Variants in SRFBP1 observed in about 807,000 individuals in gnomAD.
SRFBP1 encodes the protein serum response factor binding protein 1.
In SRFBP1, 47 loss-of-function variants were observed where a neutral mutation model predicts 45.5. That is an observed-to-expected ratio of 1.03 (90% CI 0.82 to 1.32). The LOEUF (loss-of-function observed/expected upper bound fraction) is 1.32, where lower values mean the gene tolerates loss of function less well. SRFBP1 is among the 40% of genes most tolerant of loss of function. The pLI is 0.00. For missense variants in SRFBP1, 621 were observed against 484.6 expected, an observed-to-expected ratio of 1.28 and a Z score of -2.64; for synonymous variants, 203 against 166.3, an observed-to-expected ratio of 1.22 and a Z score of -1.70.
At chr5:122,046,695 C>T (rs925856531) in intron 2 of SRFBP1, among the ~76,000 whole-genome samples, 1 of 152,216 alleles carries the variant, frequency 6.6e-6, no homozygotes, top group Non-Finnish European at 1.5e-5. Flanking sequence ...TCTCCACATC[C>T]TCTCCAGCAC....
At chr5:122,043,953 C>G (rs1168349212) in intron 2 of SRFBP1, among the ~76,000 whole-genome samples, 1 of 152,024 alleles carries the variant, frequency 6.6e-6, no homozygotes, top group African/African-American at 2.4e-5. Context: ...TCTTGTCTCC[C>G]TGGTAATGCG....
chr5:122,045,679 T>G (rs1753843596), intron 2 of SRFBP1, among the ~76,000 whole-genome samples: 1 of 152,318 alleles, frequency 6.6e-6, no homozygotes, highest in South Asian at 2.1e-4. Context: ...TGTATAGGAA[T>G]GCTACTGATT....
At position 122,026,986 on chromosome 5, in the gene SRFBP1, A is replaced by G; in HGVS notation, c.1150A>G (p.Lys384Glu). The G allele has an allele frequency of 3.7e-6, 6 of 1,613,080 alleles. No homozygotes were observed. Among genetic ancestry groups the G allele is most frequent in the Non-Finnish European group, 5.1e-6 (6 of 1,179,758 alleles). Residue 384 changes from lysine to glutamate, a missense_variant, in exon 8 of 8, where the codon AAG (lysine) becomes GAG (glutamate). Transcript: ENST00000339397. Reference sequence around the variant, plus strand: ...TCAGATCAAGAATCAGTTTAATAAGAAGCTATCAGGAAGACTTGAAAATAC... The same window carrying G: ...TCAGATCAAGAATCAGTTTAATAAGGAGCTATCAGGAAGACTTGAAAATAC... ...EPQIKNQFNK[K>E]LSGRLENTKQ... is the part of the protein sequence containing the mutation.
intron 3 of SRFBP1, among the ~76,000 whole-genome samples, chr5:121,993,865 T>A (rs1369668487): frequency 2.6e-5 from 4 of 152,046 alleles, no homozygotes; most frequent in African/African-American, 4.8e-5. Context: ...GGGCCTTTTT[T>A]AATTTTTCTT....
intron 2 of SRFBP1, chr5:122,066,366 T>C (rs1410566298): frequency 5.3e-6 from 1 of 189,548 alleles, no homozygotes; most frequent in African/African-American, 2.3e-5. Flanking sequence ...TTCCAGCACT[T>C]TAGAAAAGTT....
chr5:122,045,807 A>G (rs1314516834), intron 2 of SRFBP1, among the ~76,000 whole-genome samples: 1 of 152,174 alleles, frequency 6.6e-6, no homozygotes, highest in Admixed American at 6.6e-5. Context: ...GCAAACAGAA[A>G]TATTTTAACT....
intron 2 of SRFBP1, among the ~76,000 whole-genome samples, chr5:122,059,952 C>T (rs917700223): frequency 2.0e-5 from 3 of 152,078 alleles, no homozygotes; most frequent in African/African-American, 7.2e-5. Flanking sequence ...TGCTCTTATT[C>T]TTTTTCTGTT....
chr5:122,074,669 T>C (rs1754563715), intron 2 of SRFBP1, among the ~76,000 whole-genome samples: 1 of 152,222 alleles, frequency 6.6e-6, no homozygotes, highest in South Asian at 2.1e-4. Flanking sequence ...ATTTAAATAG[T>C]ACACACTTTT....
intron 2 of SRFBP1, among the ~76,000 whole-genome samples, chr5:122,046,635 A>G (rs1168528531): frequency 1.3e-5 from 2 of 152,188 alleles, no homozygotes. Flanking sequence ...GACTTCCACA[A>G]TGGTTGAACT....
chr5:121,993,642 CT>C, intron 3 of SRFBP1, among the ~76,000 whole-genome samples: 1 of 152,046 alleles, frequency 6.6e-6, no homozygotes, highest in Non-Finnish European at 1.5e-5. Flanking sequence ...ATTTCGGTTA[CT>C]TTTAGTTGAG....
At chr5:122,013,647 C>T (rs1233302954) in intron 4 of SRFBP1, among the ~76,000 whole-genome samples, 1 of 151,988 alleles carries the variant, frequency 6.6e-6, no homozygotes, top group East Asian at 1.9e-4. Flanking sequence ...TAGAAAGGGA[C>T]GTACAAGTGG....
intron 2 of SRFBP1, chr5:122,065,986 C>T (rs1366968082): frequency 6.6e-6 from 1 of 151,930 alleles, no homozygotes; most frequent in Non-Finnish European, 1.5e-5. Context: ...ACATCTCTGC[C>T]CATGGGAAAG....
At chr5:122,077,532 G>C (rs750748531), downstream of SRFBP1, 5 of 1,613,620 alleles carry the variant, frequency 3.1e-6, no homozygotes, top group African/African-American at 6.7e-5. This position sits in a 1 kb window ranked among gnomAD's most constrained non-coding sequence, Gnocchi z 4.9. Context: ...CTGAGCGCAG[G>C]AACTTCTCCC....
intron 4 of SRFBP1, among the ~76,000 whole-genome samples, chr5:122,003,135 G>T (rs1752908184): frequency 6.6e-6 from 1 of 152,074 alleles, no homozygotes; most frequent in Non-Finnish European, 1.5e-5. Flanking sequence ...TTGAGCCCCG[G>T]AGTTCAAGAC....
In SRFBP1 at chr5:122,043,909, ATC is replaced by A. The variant is rs377416691; in HGVS notation, n.311+21505_311+21506del. Reference sequence around the variant, plus strand: ...GATGTGCAGGTTTGTTATATAGTTAATCTCCTTGTCACAGGAGGTTGGTGTAC... The same window carrying A: ...GATGTGCAGGTTTGTTATATAGTTAATCCTTGTCACAGGAGGTTGGTGTAC... On this transcript the variant is annotated intron_variant and non_coding_transcript_variant, in intron 2 of 2. Coordinates refer to the SRFBP1 transcript ENST00000504881. Among the ~76,000 whole-genome samples the A allele has an allele frequency of 5.0e-3, 762 of 152,078 alleles. 10 individuals are homozygous for A. The highest frequency in any genetic ancestry group is 0.017 in the African/African-American group (719 of 41,508).
At chr5:122,006,027 G>T (rs184504229) in intron 4 of SRFBP1, among the ~76,000 whole-genome samples, 1 of 152,046 alleles carries the variant, frequency 6.6e-6, no homozygotes, top group Non-Finnish European at 1.5e-5. Context: ...TAAAATTAGT[G>T]TTCTTTTCTT....
chr5:122,029,306 A>T (rs1184468341), downstream of SRFBP1, among the ~76,000 whole-genome samples: 2 of 152,034 alleles, frequency 1.3e-5, no homozygotes, highest in Non-Finnish European at 2.9e-5. Flanking sequence ...CATTTTAGGA[A>T]CTCTACCTGA....
chr5:121,971,199 C>T (rs1353114685), intron 1 of SRFBP1, among the ~76,000 whole-genome samples: 1 of 151,866 alleles, frequency 6.6e-6, no homozygotes, highest in Non-Finnish European at 1.5e-5. Context: ...ATTGCGATGG[C>T]ATTGTGGATA....
intron 2 of SRFBP1, among the ~76,000 whole-genome samples, chr5:122,056,128 T>C (rs1443166112): frequency 6.6e-6 from 1 of 152,184 alleles, no homozygotes; most frequent in Non-Finnish European, 1.5e-5. Context: ...CCATTCTCCC[T>C]CTCTCATTTG....
Sources: gnomAD v4.1 joint callset for allele counts (sites outside exome capture counted in the v4.1 genomes callset) on GRCh38, gnomAD v4.1.1 for gene constraint, Gnocchi (gnomAD v3.1) non-coding constraint, MANE v1.5 for transcripts, NCBI Gene and HGNC (gene_info 2026-07-23, HGNC 2026-07-21) for gene names.